The following ABCA13 variants were observed in gnomAD, a reference collection of about 807,000 sequenced individuals.
ABCA13 encodes ATP-binding cassette sub-family A member 13.
ABCA13 carries 476 observed loss-of-function variants against 478.7 expected under a neutral mutation model. That is an observed-to-expected ratio of 0.99 (90% CI 0.92 to 1.07). The LOEUF (loss-of-function observed/expected upper bound fraction) is 1.07. Among genes scored for constraint, ABCA13 ranks in the 50% least tolerant of loss-of-function variants. The pLI, the probability that ABCA13 is intolerant of heterozygous loss-of-function variation, is 0.00. For synonymous variants in ABCA13, 2,252 were observed against 2,158.9 expected, an observed-to-expected ratio of 1.04 and a Z score of -1.20; for missense variants, 6,060 against 5,910.6, an observed-to-expected ratio of 1.03 and a Z score of -0.83.
rs374758554 is a variant in ABCA13 at position 48,343,196 on chromosome 7, A to G, written c.10204+4741A>G. Among the ~76,000 whole-genome samples, 21 of 152,276 alleles carry G rather than the reference A, an allele frequency of 1.4e-4. No homozygotes were observed. In the East Asian group the frequency reaches 2.5e-3, roughly 18 times the overall value. On this transcript the variant is annotated intron_variant, in intron 29 of 61. Coordinates refer to ENST00000435803, the MANE Select transcript of ABCA13 (RefSeq NM_152701.5). The stretch of plus-strand genomic sequence containing the variant: ...ATTATAAATGGAAAATTGTAGAAAT[A>G]AATTTGAGTCTCCTGATAGTGCTAT...
intron 2 of ABCA13, among the ~76,000 whole-genome samples, chr7:48,195,716 C>A (rs1432939472): frequency 6.6e-6 from 1 of 152,122 alleles, no homozygotes; most frequent in Non-Finnish European, 1.5e-5. Flanking sequence ...ACTTCCAGAA[C>A]ATAGGCCTCA....
At chr7:48,244,454 C>A in intron 10 of ABCA13, 122 bp from the exon 11 acceptor site, 2 of 1,188,088 alleles carry the variant, frequency 1.7e-6, no homozygotes, top group Non-Finnish European at 2.3e-6. Context: ...GTGTGACTTT[C>A]AGTCTAGTGA....
intron 10 of ABCA13, among the ~76,000 whole-genome samples, chr7:48,244,186 A>G (rs1481420689): frequency 1.3e-5 from 2 of 152,210 alleles, no homozygotes; most frequent in East Asian, 1.9e-4. Context: ...TGGGTCCTGT[A>G]TACCATCACA....
At chr7:48,204,780 A>G (rs1784718494) in intron 3 of ABCA13, among the ~76,000 whole-genome samples, 1 of 152,148 alleles carries the variant, frequency 6.6e-6, no homozygotes, top group Non-Finnish European at 1.5e-5. Flanking sequence ...CCTGCTCGCG[A>G]TGCAGCACCA....
chr7:48,435,368 T>C (rs1169108845), intron 42 of ABCA13, among the ~76,000 whole-genome samples: 1 of 151,876 alleles, frequency 6.6e-6, no homozygotes, highest in African/African-American at 2.4e-5. Flanking sequence ...CCTGAAACTT[T>C]GGTGAATTTG....
intron 55 of ABCA13, among the ~76,000 whole-genome samples, chr7:48,564,389 C>T (rs1406760959): frequency 6.6e-6 from 1 of 151,346 alleles, no homozygotes; most frequent in Non-Finnish European, 1.5e-5. Context: ...AGCTTATTAA[C>T]AAAAAAATGA....
At chr7:48,487,405 C>T (rs748626505) in intron 47 of ABCA13, among the ~76,000 whole-genome samples, 1 of 151,830 alleles carries the variant, frequency 6.6e-6, no homozygotes, top group Non-Finnish European at 1.5e-5. Flanking sequence ...GCTGAGCAGG[C>T]AGCCTCCTGT....
intron 19 of ABCA13, among the ~76,000 whole-genome samples, chr7:48,286,857 G>A (rs116873175): frequency 3.9e-3 from 595 of 151,914 alleles, no homozygotes; most frequent in Non-Finnish European, 6.9e-3. Flanking sequence ...TAATTTAAGA[G>A]TCAGGATAAC....
chr7:48,622,333 T>C (rs1237968252), intron 59 of ABCA13, among the ~76,000 whole-genome samples: 1 of 152,178 alleles, frequency 6.6e-6, no homozygotes, highest in Non-Finnish European at 1.5e-5. Context: ...GGACCCAGTT[T>C]ACACCTGGGC....
chr7:48,308,907 C>G (rs1295497953), intron 23 of ABCA13, among the ~76,000 whole-genome samples: 1 of 148,194 alleles, frequency 6.7e-6, no homozygotes, highest in Non-Finnish European at 1.5e-5. Flanking sequence ...TACCCTATAG[C>G]CAAGGTATGT....
rs868423829 is a variant in ABCA13, at chr7:48,646,040, A to G, written c.*528A>G. 4 of 152,870 alleles carry G rather than the reference A, an allele frequency of 2.6e-5. No homozygotes were observed. The South Asian group carries it at 8.2e-4, about 31-fold the overall frequency. The allele number at this position is 152,870 out of a possible 1,614,324, so 9.5% of individuals were successfully genotyped here. A position where few individuals can be genotyped will look rare whatever the true frequency, so the allele number is the denominator to read the frequency against. On this transcript the variant is annotated 3_prime_UTR_variant, in exon 62 of 62. Coordinates refer to ENST00000435803, the MANE Select transcript of ABCA13 (RefSeq NM_152701.5). Reference sequence around the variant, plus strand: ...ATGTAAGCTTTTATTAATACTGATGACATTATATGGTATGATATGAAAAAA... The same window carrying G: ...ATGTAAGCTTTTATTAATACTGATGGCATTATATGGTATGATATGAAAAAA...
intron 4 of ABCA13, 49 bp from the exon 5 acceptor site, chr7:48,221,232 T>A (rs1225251837): frequency 1.0e-6 from 1 of 988,874 alleles, no homozygotes; most frequent in African/African-American, 1.6e-5. Flanking sequence ...TAGCATGTGC[T>A]TTTTCATTGA....
intron 31 of ABCA13, among the ~76,000 whole-genome samples, chr7:48,364,038 C>T (rs1438432167): frequency 2.0e-5 from 3 of 152,012 alleles, no homozygotes; most frequent in Non-Finnish European, 4.4e-5. Flanking sequence ...TTTTTGTTAC[C>T]GTGATTGTTA....
intron 55 of ABCA13, among the ~76,000 whole-genome samples, chr7:48,551,049 A>AT (rs1230890027): frequency 1.3e-5 from 2 of 151,530 alleles, no homozygotes; most frequent in Non-Finnish European, 2.9e-5. Flanking sequence ...TAAATAAATC[A>AT]TTTTTTCTTT....
At position 48,439,276 on chromosome 7, in the gene ABCA13, T is replaced by C. The variant is rs956484019; in HGVS notation, c.12565+11405T>C. ...TTAGGTCTTTGGCAGAATCAGTTCCTTGAGGTGCCCATTTTTTGGCTGGCT... is the reference window on the plus strand; with the variant it reads ...TTAGGTCTTTGGCAGAATCAGTTCCCTGAGGTGCCCATTTTTTGGCTGGCT... On this transcript the variant is annotated intron_variant, in intron 42 of 61. Coordinates refer to ENST00000435803, the MANE Select transcript of ABCA13 (RefSeq NM_152701.5). Among the ~76,000 whole-genome samples, 5 of 152,164 alleles carry C rather than the reference T, an allele frequency of 3.3e-5. No individual in the cohort carries two copies. The East Asian group carries it at 7.7e-4, about 23-fold the overall frequency.
At chr7:48,341,135 C>T (rs1432321133) in intron 29 of ABCA13, among the ~76,000 whole-genome samples, 1 of 152,184 alleles carries the variant, frequency 6.6e-6, no homozygotes, top group Non-Finnish European at 1.5e-5. Context: ...TCAGGCTATG[C>T]ATTATAATGA....
At position 48,410,658 on chromosome 7, in the gene ABCA13, G is replaced by T; in HGVS notation, c.12209G>T (p.Arg4070Leu). ...AAGGAGGCATATGGCCAGGGGCTCC[G>T]CCTGACACTCACGAGGCAGGTAAGG... ...CLKEAYGQGL[R>L]LTLTRQPSVL... is the part of the protein sequence containing the mutation. The change falls in exon 40 of 62, where the codon CGC becomes CTC. Residue 4070 changes from arginine (R) to leucine (L), a missense_variant. By Grantham distance (102) the Arg-to-Leu change is moderately radical. Coordinates refer to ENST00000435803, the MANE Select transcript of ABCA13 (RefSeq NM_152701.5). 1 of 1,612,654 alleles carries T rather than the reference G, an allele frequency of 6.2e-7. No individual in the cohort carries two copies. The highest frequency in any genetic ancestry group is 1.1e-5 in the South Asian group (1 of 91,044).
At chr7:48,180,122 G>A (rs1364485537) in intron 1 of ABCA13, among the ~76,000 whole-genome samples, 4 of 152,224 alleles carry the variant, frequency 2.6e-5, no homozygotes, top group Non-Finnish European at 4.4e-5. Flanking sequence ...GAAGACTGGT[G>A]TGGGTGAACT....
chr7:48,252,048 A>G (rs1477813266), intron 15 of ABCA13, among the ~76,000 whole-genome samples: 1 of 152,070 alleles, frequency 6.6e-6, no homozygotes, highest in Non-Finnish European at 1.5e-5. Context: ...AACTTCTTGC[A>G]TTTGTATATC....
Sources: gnomAD v4.1 joint callset for allele counts (sites outside exome capture counted in the v4.1 genomes callset) on GRCh38, gnomAD v4.1.1 for gene constraint, MANE v1.5 for transcripts, NCBI Gene and HGNC (gene_info 2026-07-23, HGNC 2026-07-21) for gene names.